The following EXTL1 variants were observed in gnomAD, a reference collection of about 807,000 sequenced individuals.
EXTL1 encodes exostosin-like 1.
In EXTL1, 43 loss-of-function variants were observed where a neutral mutation model predicts 64.6. The ratio of observed to expected loss-of-function variants is 0.67; its 90% CI spans 0.52 to 0.86. The LOEUF (loss-of-function observed/expected upper bound fraction) is 0.86. EXTL1 is among the 40% of genes least tolerant of loss of function. The probability of loss-of-function intolerance (pLI) is 0.00; values close to 1 mark genes in which losing one functional copy is unlikely to be tolerated. For synonymous variants in EXTL1, 352 were observed against 360.5 expected, an observed-to-expected ratio of 0.98 and a Z score of 0.27; for missense variants, 766 against 879.0, an observed-to-expected ratio of 0.87 and a Z score of 1.62.
rs374127947 is a variant in EXTL1 at position 26,029,549 on chromosome 1, G to T, written c.874-51G>T. ...ACTGACTTGGAACTGGGCGGGGGGT[G>T]AGTATGTGCAGGGTGGGGCTGGGCT... On this transcript the variant is annotated intron_variant, in intron 2 of 10. Coordinates refer to ENST00000374280, the MANE Select transcript of EXTL1 (RefSeq NM_004455.3). 30 of 1,090,172 alleles carry T rather than the reference G, an allele frequency of 2.8e-5. No homozygotes were observed. In the East Asian group the frequency reaches 3.0e-4, roughly 11 times the overall value. 67.5% of individuals were successfully genotyped at this position (1,090,172 alleles called of 1,614,324 possible).
chr1:26,023,313 G>A lies in EXTL1; in HGVS notation c.667G>A (p.Gly223Arg), dbSNP rs781198382. ...GQLRQHSPQP[G>R]VALLALEEER... ...GCTGCGGCAACACAGCCCCCAGCCC[G>A]GGGTAGCCCTGCTAGCCCTGGAAGA... is the stretch of plus-strand genomic sequence containing the variant. Residue 223 changes from glycine (G) to arginine (R), a missense_variant, in exon 1 of 11, where the codon GGG becomes AGG. Physicochemically the swap from Gly to Arg is moderately radical, Grantham distance 125 (BLOSUM62 -2). Coordinates refer to ENST00000374280, the MANE Select transcript of EXTL1 (RefSeq NM_004455.3). 2.8e-5 allele frequency: 44 copies of A among 1,551,772 alleles called. No homozygotes were observed. The highest frequency in any genetic ancestry group is 3.1e-5 in the Non-Finnish European group (35 of 1,146,636).
In EXTL1 at chr1:26,035,520, T is replaced by C. The variant is rs2050330823; in HGVS notation, c.*173T>C. The C allele has an allele frequency of 4.0e-6, 2 of 500,556 alleles. No homozygotes were observed. Among genetic ancestry groups the C allele is most frequent in the East Asian group, 3.1e-5 (1 of 32,054 alleles). The allele number at this position is 500,556 out of a possible 1,614,324, so 31.0% of individuals were successfully genotyped here. ...AACAGGGGGGCGTGGCCTTACCTTC[T>C]CCTGCTCGCCCTCAGCCGCGGAGCC... On this transcript the variant is annotated 3_prime_UTR_variant, in exon 11 of 11. Coordinates refer to ENST00000374280, the MANE Select transcript of EXTL1 (RefSeq NM_004455.3). This position sits in a 1 kb window ranked among gnomAD's most constrained non-coding sequence, Gnocchi z 5.3.
rs919494854 is a variant in EXTL1, at chr1:26,025,191, G to A, written c.779+1766G>A. ...GCAGCTGCCTGGGCCAGACAGCCTA[G>A]GGACAGAGTGAGAGAGATAGCCTGA... On this transcript the variant is annotated intron_variant, in intron 1 of 10. Transcript: ENST00000374280. This position sits in a 1 kb window ranked among gnomAD's most constrained non-coding sequence, Gnocchi z 5.3. Among the ~76,000 whole-genome samples, 5 of 152,160 alleles carry A rather than the reference G, an allele frequency of 3.3e-5. No homozygotes were observed. The highest frequency in any genetic ancestry group is 1.2e-4 in the African/African-American group (5 of 41,430).
chr1:26,029,846 T>G, intron 3 of EXTL1, 139 bp downstream of exon 3: 1 of 627,996 alleles, frequency 1.6e-6, no homozygotes, highest in Middle Eastern at 2.7e-4. Flanking sequence ...TAGCACCAAG[T>G]CTCCCCTCTG....
At chr1:26,029,391 C>A (rs1036991806) in intron 2 of EXTL1, 105 bp downstream of exon 2, 9 of 905,056 alleles carry the variant, frequency 9.9e-6, no homozygotes, top group Non-Finnish European at 1.6e-5. Context: ...AAGCTGCCTG[C>A]TCCTTTACTC....
chr1:26,023,336 A>G lies in EXTL1; in HGVS notation c.690A>G (p.Glu230=). ...CCGGGGTAGCCCTGCTAGCCCTGGA[A>G]GAGGAGAGGGGTGGGTGGCGCACAG... The part of the protein sequence containing the change: ...PQPGVALLAL[E]EERGGWRTAD... Residue 230 remains glutamate, a synonymous_variant, in exon 1 of 11, where the codon GAA becomes GAG. Coordinates refer to ENST00000374280, the MANE Select transcript of EXTL1 (RefSeq NM_004455.3). 3.9e-6 allele frequency: 6 copies of G among 1,522,802 alleles called. No homozygotes were observed. The highest frequency in any genetic ancestry group is 5.3e-6 in the Non-Finnish European group (6 of 1,133,726). The allele number at this position is 1,522,802 out of a possible 1,614,324, so 94.3% of individuals were successfully genotyped here. A position where few individuals can be genotyped will look rare whatever the true frequency, so the allele number is the denominator to read the frequency against.
At position 26,035,575 on chromosome 1, in the gene EXTL1, C is replaced by T. The variant is rs773356526; in HGVS notation, c.*228C>T. 2.9e-5 allele frequency: 13 copies of T among 447,506 alleles called. No homozygotes were observed. The highest frequency in any genetic ancestry group is 1.6e-4 in the South Asian group (3 of 18,538). The allele number at this position is 447,506 out of a possible 1,614,324, so 27.7% of individuals were successfully genotyped here. A position where few individuals can be genotyped will look rare whatever the true frequency, so the allele number is the denominator to read the frequency against. On this transcript the variant is annotated 3_prime_UTR_variant, in exon 11 of 11. Transcript: ENST00000374280. The surrounding 1 kb of genome is among the most constrained non-coding windows in gnomAD (Gnocchi z 5.3). ...CGGAGGCTGAGCCCCGCGACCGGAG[C>T]GCCGCTCTCCGCTTCTCCACCCAGC...
At position 26,034,502 on chromosome 1, in the gene EXTL1, A is replaced by T. The variant is rs998564578; in HGVS notation, c.1680-334A>T. ...AGCGGTATCAGCCTGGTTCATCCAC[A>T]ACTGTTCTTTGGGCTTCCATGTTTG... On this transcript the variant is annotated intron_variant, in intron 9 of 10. Transcript: ENST00000374280. This position sits in a 1 kb window ranked among gnomAD's most constrained non-coding sequence, Gnocchi z 4.6. 2.6e-5 allele frequency among the ~76,000 whole-genome samples: 4 copies of T among 152,286 alleles called. No homozygotes were observed. Among genetic ancestry groups the T allele is most frequent in the Admixed American group, 2.6e-4 (4 of 15,296 alleles).
In EXTL1 at chr1:26,022,685, A is replaced by G. The variant is rs954461145; in HGVS notation, c.39A>G (p.Ala13=). The G allele has an allele frequency of 4.3e-6, 7 of 1,611,342 alleles. No homozygotes were observed. In the African/African-American group the frequency reaches 6.7e-5, roughly 15 times the overall value. ...GGAGAAGAAAGTCCCTGTGGCTGGC[A>G]CTGTCAGCCTCCTGGCTCCTGCTTG... ...SWRRRKSLWL[A]LSASWLLLVL... Residue 13 remains alanine (A), a synonymous_variant, in exon 1 of 11, where the codon GCA becomes GCG. Coordinates refer to ENST00000374280, the MANE Select transcript of EXTL1 (RefSeq NM_004455.3).
In EXTL1 at chr1:26,035,085, CCA is replaced by C; in HGVS notation, c.1849-79_1849-78del. 1 of 1,593,976 alleles carries C rather than the reference CCA, an allele frequency of 6.3e-7. No homozygotes were observed. ...GAGGATTCCCTCTCACTGTCTAATT[CCA>C]GTCTTTCTTGCTGCACGGGCGTGGG... On this transcript the variant is annotated intron_variant, in intron 10 of 10. Transcript: ENST00000374280. This position sits in a 1 kb window ranked among gnomAD's most constrained non-coding sequence, Gnocchi z 5.3.
chr1:26,026,481 A>C lies in EXTL1; in HGVS notation c.780-2712A>C, dbSNP rs368947990. On this transcript the variant is annotated intron_variant, in intron 1 of 10. Transcript: ENST00000374280. ...GCTAATTTTTGTATTTTTAGTAGAG[A>C]TGGGGTTTCACCATGTTGGTCAGGC... Among the ~76,000 whole-genome samples, 28 of 152,004 alleles carry C rather than the reference A, an allele frequency of 1.8e-4. 1 individual carries two copies. In the South Asian group the frequency reaches 5.6e-3, roughly 30 times the overall value.
Position 26,033,548 on chromosome 1 carries a change from T to C in EXTL1, c.1519-148T>C. ...GCCCCTGGAAGCTTTCATGCCACAC[T>C]TCCAGCCAATTCCAAGTCTTGGCTC... On this transcript the variant is annotated intron_variant, in intron 8 of 10. Coordinates refer to ENST00000374280, the MANE Select transcript of EXTL1 (RefSeq NM_004455.3). The surrounding 1 kb of genome is among the most constrained non-coding windows in gnomAD (Gnocchi z 5.1). 1.2e-6 allele frequency: 1 copy of C among 842,330 alleles called. No homozygotes were observed. Among genetic ancestry groups the C allele is most frequent in the Non-Finnish European group, 1.9e-6 (1 of 518,940 alleles). The allele number at this position is 842,330 out of a possible 1,614,324, so 52.2% of individuals were successfully genotyped here.
In EXTL1 at chr1:26,029,203, C is replaced by T; in HGVS notation, c.790C>T (p.Gln264Ter). 1 of 1,613,552 alleles carries T rather than the reference C, an allele frequency of 6.2e-7. No homozygotes were observed. Among genetic ancestry groups the T allele is most frequent in the Non-Finnish European group, 8.5e-7 (1 of 1,179,692 alleles). Reference sequence around the variant, plus strand: ...CATGTGCCTCTTTAGGACCCAGCGCCAGGAGACGCTGCCCAATGCCACCTT... The same window carrying T: ...CATGTGCCTCTTTAGGACCCAGCGCTAGGAGACGCTGCCCAATGCCACCTT... ...QDPGPGQTQR[Q>*]ETLPNATFCL... Residue 264 changes from glutamine (Q) to a stop codon, truncating the protein, a stop_gained, in exon 2 of 11, where the codon CAG becomes TAG. Coordinates refer to ENST00000374280, the MANE Select transcript of EXTL1 (RefSeq NM_004455.3). LOFTEE classifies it high-confidence loss of function.
At chr1:26,029,311 C>G (rs1315277211) in intron 2 of EXTL1, 25 bp downstream of exon 2, 1 of 1,579,918 alleles carries the variant, frequency 6.3e-7, no homozygotes, top group Non-Finnish European at 8.7e-7. Context: ...TGAGCATCAC[C>G]CATCCTCTGT....
intron 1 of EXTL1, among the ~76,000 whole-genome samples, chr1:26,023,632 G>A (rs1276245405): frequency 6.6e-6 from 1 of 152,112 alleles, no homozygotes; most frequent in African/African-American, 2.4e-5. Context: ...GGTTGTCTAA[G>A]GTAGGTTTTG....
At chr1:26,023,552 C>A in intron 1 of EXTL1, 127 bp downstream of exon 1, 1 of 1,014,860 alleles carries the variant, frequency 9.9e-7, no homozygotes, top group Non-Finnish European at 1.3e-6. Flanking sequence ...TAGGCCTCAG[C>A]TGCAGCAGCA....
At chr1:26,031,670 G>C (rs2050289033) in intron 6 of EXTL1, 104 bp downstream of exon 6, 1 of 553,994 alleles carries the variant, frequency 1.8e-6, no homozygotes, top group African/African-American at 2.0e-5. Flanking sequence ...CTATTTGAGG[G>C]GAGGCACGGG....
At chr1:26,029,370 G>A in intron 2 of EXTL1, 84 bp downstream of exon 2, 1 of 1,118,908 alleles carries the variant, frequency 8.9e-7, no homozygotes, top group Non-Finnish European at 1.4e-6. Flanking sequence ...AGGCCAATGA[G>A]AAGGGGCAGT....
chr1:26,031,515 G>A lies in EXTL1; in HGVS notation c.1290G>A (p.Gln430=). 6.2e-7 allele frequency: 1 copy of A among 1,602,066 alleles called. No homozygotes were observed. The highest frequency in any genetic ancestry group is 1.1e-5 in the South Asian group (1 of 88,732). ...SALIWVGPPG[Q]PPLKLIQAVA... The stretch of plus-strand genomic sequence containing the variant: ...TGATCTGGGTGGGGCCCCCAGGCCA[G>A]CCCCCTCTGAAGCTCATCCAGGCGG... Residue 430 remains glutamine (Q), a synonymous_variant, in exon 6 of 11, where the codon CAG becomes CAA. Coordinates refer to ENST00000374280, the MANE Select transcript of EXTL1 (RefSeq NM_004455.3).
Sources: gnomAD v4.1 joint callset for allele counts (sites outside exome capture counted in the v4.1 genomes callset) on GRCh38, gnomAD v4.1.1 for gene constraint, Gnocchi (gnomAD v3.1) non-coding constraint, MANE v1.5 for transcripts, NCBI Gene and HGNC (gene_info 2026-07-23, HGNC 2026-07-21) for gene names.